LUZP2: variants seen among roughly 807,000 people sequenced by gnomAD.
The protein encoded by LUZP2 is leucine zipper protein 2.
LUZP2 carries 52 observed loss-of-function variants against 51.6 expected under a neutral mutation model. The ratio of observed to expected loss-of-function variants is 1.01; its 90% CI spans 0.81 to 1.27. The LOEUF (loss-of-function observed/expected upper bound fraction) is 1.27, where lower values mean the gene tolerates loss of function less well. Ranked by LOEUF, LUZP2 falls within the 50% of genes most tolerant of loss-of-function variation. LUZP2 has a pLI of 0.00. For missense variants in LUZP2, 436 were observed against 395.4 expected (o/e 1.10, Z -0.87); for synonymous variants, 154 against 137.3 (o/e 1.12, Z -0.85).
intron 1 of LUZP2, among the ~76,000 whole-genome samples, chr11:24,633,756 T>C (rs2133931525): frequency 6.6e-6 from 1 of 152,066 alleles, no homozygotes; most frequent in South Asian, 2.1e-4. Context: ...TCTCAAGAGG[T>C]GGCTGCTTAT....
At chr11:24,970,262 T>A (rs1419408561) in intron 7 of LUZP2, among the ~76,000 whole-genome samples, 1 of 152,144 alleles carries the variant, frequency 6.6e-6, no homozygotes, top group African/African-American at 2.4e-5. Context: ...TGCTGTTGCA[T>A]CCCCTACCCT....
intron 7 of LUZP2, among the ~76,000 whole-genome samples, chr11:24,925,030 A>G (rs1454050662): frequency 6.6e-6 from 1 of 152,210 alleles, no homozygotes; most frequent in Non-Finnish European, 1.5e-5. Flanking sequence ...GAAAGGGAAA[A>G]GGATTCTTTA....
chr11:25,042,305 T>TA (rs1858092551), intron 9 of LUZP2, among the ~76,000 whole-genome samples: 1 of 152,170 alleles, frequency 6.6e-6, no homozygotes, highest in African/African-American at 2.4e-5. Context: ...TGGGAATTTT[T>TA]ATTCCATCCA....
intron 10 of LUZP2, among the ~76,000 whole-genome samples, chr11:25,058,812 A>G (rs551459707): frequency 2.0e-5 from 3 of 152,300 alleles, no homozygotes; most frequent in African/African-American, 7.2e-5. Context: ...TTAATGTTAC[A>G]TTCTCAATCT....
At chr11:24,759,630 G>A (rs532134134) in intron 4 of LUZP2, among the ~76,000 whole-genome samples, 65 of 152,164 alleles carry the variant, frequency 4.3e-4, no homozygotes, top group African/African-American at 1.2e-3. Flanking sequence ...GAAAGAACAG[G>A]TTATTAATAT....
intron 7 of LUZP2, among the ~76,000 whole-genome samples, chr11:24,953,038 G>A (rs575245493): frequency 3.4e-4 from 51 of 151,782 alleles, no homozygotes; most frequent in African/African-American, 1.1e-3. Flanking sequence ...AAAGTCTGTC[G>A]AGAAATAGAC....
chr11:24,657,773 A>T (rs1446138047), intron 1 of LUZP2, among the ~76,000 whole-genome samples: 1 of 152,194 alleles, frequency 6.6e-6, no homozygotes, highest in Non-Finnish European at 1.5e-5. Context: ...AAGCATTCTT[A>T]TACACCATTA....
chr11:25,050,291 C>CTTTTTTTTTTTTTTT (rs71044331), intron 10 of LUZP2, among the ~76,000 whole-genome samples, 161 bp downstream of exon 10: 6 of 77,200 alleles, frequency 7.8e-5, no homozygotes, highest in Admixed American at 1.7e-4. Context: ...TCTTTATGTT[C>CTTTTTTTTTTTTTTT]TTTTTTTTTT....
chr11:24,539,672 G>C (rs1384841817), intron 1 of LUZP2, among the ~76,000 whole-genome samples: 1 of 151,914 alleles, frequency 6.6e-6, no homozygotes, highest in African/African-American at 2.4e-5. Flanking sequence ...AATCAATAGT[G>C]ACAGAAGTAC....
intron 1 of LUZP2, among the ~76,000 whole-genome samples, chr11:24,545,225 G>A (rs780978294): frequency 2.0e-5 from 3 of 149,164 alleles, no homozygotes; most frequent in African/African-American, 7.4e-5. Flanking sequence ...ACATTTTGTA[G>A]GTTGTCTGTT....
At chr11:24,647,715 T>C (rs1245391628) in intron 1 of LUZP2, among the ~76,000 whole-genome samples, 1 of 152,046 alleles carries the variant, frequency 6.6e-6, no homozygotes, top group Non-Finnish European at 1.5e-5. Context: ...ATCTCAAGGT[T>C]GATAGCCTTT....
chr11:24,599,669 T>C (rs1254395688), intron 1 of LUZP2, among the ~76,000 whole-genome samples: 2 of 152,200 alleles, frequency 1.3e-5, no homozygotes, highest in Non-Finnish European at 2.9e-5. Flanking sequence ...CTTTTCTTTC[T>C]CCTCAGTTAC....
chr11:24,622,923 G>T (rs1239876908), intron 1 of LUZP2, among the ~76,000 whole-genome samples: 1 of 152,150 alleles, frequency 6.6e-6, no homozygotes, highest in African/African-American at 2.4e-5. Flanking sequence ...ATGTGGAACT[G>T]TTTTAAAATC....
chr11:25,049,155 T>A (rs1439271125), intron 9 of LUZP2, among the ~76,000 whole-genome samples: 1 of 152,196 alleles, frequency 6.6e-6, no homozygotes, highest in African/African-American at 2.4e-5. Flanking sequence ...CCAGACCCTG[T>A]CTTAGTTTTC....
intron 9 of LUZP2, among the ~76,000 whole-genome samples, chr11:24,987,226 G>A (rs1856213571): frequency 6.6e-6 from 1 of 151,874 alleles, no homozygotes; most frequent in Non-Finnish European, 1.5e-5. Context: ...AATTTTTAGT[G>A]GGATGTTACT....
intron 10 of LUZP2, among the ~76,000 whole-genome samples, chr11:25,057,897 C>T (rs1417006636): frequency 2.0e-5 from 3 of 151,974 alleles, no homozygotes; most frequent in Non-Finnish European, 2.9e-5. Context: ...AAAATTATGC[C>T]AGCTTTTTCA....
intron 1 of LUZP2, among the ~76,000 whole-genome samples, chr11:24,682,497 A>G (rs974423697): frequency 1.2e-4 from 6 of 52,068 alleles, no homozygotes; most frequent in African/African-American, 3.4e-4. Context: ...TCCACCTTGG[A>G]AAAAAAAAAA....
chr11:24,796,441 A>G (rs1248281378), intron 5 of LUZP2, among the ~76,000 whole-genome samples: 1 of 151,874 alleles, frequency 6.6e-6, no homozygotes, highest in Admixed American at 6.6e-5. Flanking sequence ...TAGGTTGCCC[A>G]TAAAAAAGTC....
intron 5 of LUZP2, among the ~76,000 whole-genome samples, chr11:24,873,627 G>A (rs1437354049): frequency 6.6e-6 from 1 of 152,068 alleles, no homozygotes; most frequent in Admixed American, 6.6e-5. Flanking sequence ...CATCCTCATG[G>A]GTCAGAGGTG....
Sources: allele counts gnomAD v4.1 joint callset (sites outside exome capture counted in the v4.1 genomes callset), GRCh38; gene constraint gnomAD v4.1.1; transcripts MANE v1.5; gene names NCBI Gene and HGNC (gene_info 2026-07-23, HGNC 2026-07-21).